The following CCT4 variants were observed in gnomAD, a reference collection of about 807,000 sequenced individuals.
The protein encoded by CCT4 is T-complex protein 1 subunit delta.
A neutral mutation model predicts 62.5 loss-of-function variants in CCT4; 17 were observed. The ratio of observed to expected loss-of-function variants is 0.27; its 90% CI spans 0.19 to 0.41. The LOEUF is 0.41. CCT4 is among the 10% of genes least tolerant of loss of function. The pLI is 1.00. For missense variants in CCT4, 592 were observed against 659.2 expected (o/e 0.90, Z 1.12); for synonymous variants, 250 against 229.9 (o/e 1.09, Z -0.79).
chr2:61,886,805 G>A (rs1179064827), intron 1 of CCT4, among the ~76,000 whole-genome samples: 1 of 151,794 alleles, frequency 6.6e-6, no homozygotes, highest in East Asian at 1.9e-4. Context: ...CGTCACCCTG[G>A]CTGGAGTGCA....
chr2:61,887,163 T>C (rs1207219269), intron 1 of CCT4, among the ~76,000 whole-genome samples: 2 of 152,192 alleles, frequency 1.3e-5, no homozygotes, highest in Admixed American at 6.6e-5. Context: ...GTGTATTATC[T>C]CCTAAACTTA....
rs1669214365 is a variant in CCT4, at chr2:61,884,911, C to G, written c.180+109G>C. The G allele has an allele frequency of 2.2e-5, 20 of 918,628 alleles. No individual in the cohort carries two copies. The South Asian group carries it at 3.1e-4, about 14-fold the overall frequency. The allele number at this position is 918,628 out of a possible 1,614,324, so 56.9% of individuals were successfully genotyped here. ...AAAGTGCTGGGATTATAGGTGTGAG[C>G]CACCACGCCCAGCCCCACTTTTTAA... On this transcript the variant is annotated intron_variant, in intron 2 of 13. Coordinates refer to ENST00000394440, the MANE Select transcript of CCT4 (RefSeq NM_006430.4).
In CCT4 at chr2:61,885,086, G is replaced by A. The variant is rs778166416; in HGVS notation, c.128-14C>T. On this transcript the variant is annotated splice_polypyrimidine_tract_variant and intron_variant, in intron 1 of 13. Coordinates refer to ENST00000394440, the MANE Select transcript of CCT4 (RefSeq NM_006430.4). ...CATCAGCAACCGCTGCAGATGGGGG[G>A]GAAAAAAAAGAAAACAAATTAGAAC... 5.4e-5 allele frequency: 78 copies of A among 1,452,034 alleles called. No homozygotes were observed. Among genetic ancestry groups the A allele is most frequent in the Admixed American group, 1.0e-4 (4 of 39,712 alleles). The allele number at this position is 1,452,034 out of a possible 1,614,324, so 89.9% of individuals were successfully genotyped here.
intron 1 of CCT4, among the ~76,000 whole-genome samples, chr2:61,886,667 T>C (rs1051007143): frequency 1.3e-5 from 2 of 152,166 alleles, no homozygotes; most frequent in Non-Finnish European, 2.9e-5. Context: ...TTGTTTCAGT[T>C]CTTTGTCTGC....
chr2:61,870,407 C>A (rs980029041), intron 12 of CCT4, among the ~76,000 whole-genome samples: 1 of 152,228 alleles, frequency 6.6e-6, no homozygotes, highest in Non-Finnish European at 1.5e-5. Context: ...ATTGCACCAT[C>A]CTACTTCCCT....
chr2:61,872,835 G>A (rs966350921), intron 10 of CCT4, among the ~76,000 whole-genome samples, 167 bp downstream of exon 10: 2 of 152,146 alleles, frequency 1.3e-5, no homozygotes, highest in Admixed American at 6.5e-5. Context: ...GCTGAGGCAG[G>A]AGAATGGCAT....
At position 61,870,832 on chromosome 2, in the gene CCT4, T is replaced by C. The variant is rs538487438; in HGVS notation, c.1491+1250A>G. On this transcript the variant is annotated intron_variant, in intron 12 of 13. Coordinates refer to ENST00000394440, the MANE Select transcript of CCT4 (RefSeq NM_006430.4). ...AGCTACTCAGGAGGCTGAGGCAGAA[T>C]TGCTTGAACTTGGGAGGAGGAGGTT... 1.1e-4 allele frequency among the ~76,000 whole-genome samples: 17 copies of C among 152,084 alleles called. No homozygotes were observed. In the South Asian group the frequency reaches 1.5e-3, roughly 13 times the overall value.
chr2:61,876,334 A>C (rs1669000700), intron 7 of CCT4, 100 bp from the exon 8 acceptor site: 1 of 795,010 alleles, frequency 1.3e-6, no homozygotes, highest in South Asian at 2.3e-5. Flanking sequence ...AATTCAACCA[A>C]AACTATATCA....
At chr2:61,888,331 G>C in intron 1 of CCT4, 50 bp downstream of exon 1, 1 of 1,583,588 alleles carries the variant, frequency 6.3e-7, no homozygotes, top group Non-Finnish European at 8.6e-7. Context: ...CACGATGAGA[G>C]CGCAGAGCAC....
intron 2 of CCT4, among the ~76,000 whole-genome samples, chr2:61,883,789 C>T (rs911684991): frequency 2.1e-5 from 3 of 144,306 alleles, no homozygotes. Flanking sequence ...CACACACACA[C>T]ACACACACAC....
chr2:61,869,586 T>G, intron 12 of CCT4, 33 bp from the exon 13 acceptor site: 1 of 1,240,392 alleles, frequency 8.1e-7, no homozygotes, highest in Non-Finnish European at 1.2e-6. Context: ...TTGCTTTTAG[T>G]GTCTGTGATA....
intron 1 of CCT4, chr2:61,885,997 G>A (rs891907870): frequency 3.2e-4 from 48 of 152,300 alleles, no homozygotes; most frequent in African/African-American, 1.1e-3. Flanking sequence ...TGTCTAGTAT[G>A]TAATCTCTGA....
rs567647891 is a variant in CCT4, at chr2:61,877,617, T to C, written c.523-103A>G. The stretch of plus-strand genomic sequence containing the variant: ...AGAAAGACTCTTATAATTTTTGCAG[T>C]GGGGTGTGGGTATGAAGAGGGAAAC... On this transcript the variant is annotated intron_variant, in intron 5 of 13. Coordinates refer to ENST00000394440, the MANE Select transcript of CCT4 (RefSeq NM_006430.4). The C allele has an allele frequency of 9.1e-5, 78 of 852,904 alleles. No homozygotes were observed. In the South Asian group the frequency reaches 1.5e-3, roughly 17 times the overall value. The allele number at this position is 852,904 out of a possible 1,614,324, so 52.8% of individuals were successfully genotyped here. A position where few individuals can be genotyped will look rare whatever the true frequency, so the allele number is the denominator to read the frequency against.
At position 61,887,322 on chromosome 2, in the gene CCT4, T is replaced by C. The variant is rs550201474; in HGVS notation, c.127+1059A>G. On this transcript the variant is annotated intron_variant, in intron 1 of 13. Transcript: ENST00000394440. The stretch of plus-strand genomic sequence containing the variant: ...CTGATGACTGCAAACACATGTAAGG[T>C]GTACTTTATATACGTGGGTCTTTAT... Among the ~76,000 whole-genome samples, 86 of 152,296 alleles carry C rather than the reference T, an allele frequency of 5.6e-4. No homozygotes were observed. In the South Asian group the frequency reaches 0.016, roughly 29 times the overall value.
At chr2:61,874,351 G>A (rs1297026500) in intron 8 of CCT4, among the ~76,000 whole-genome samples, 2 of 152,128 alleles carry the variant, frequency 1.3e-5, no homozygotes, top group Non-Finnish European at 2.9e-5. Context: ...CAGGCACGGT[G>A]GCTCACATCT....
chr2:61,884,296 A>G (rs1669195618), intron 2 of CCT4, among the ~76,000 whole-genome samples: 1 of 152,078 alleles, frequency 6.6e-6, no homozygotes, highest in Admixed American at 6.6e-5. Flanking sequence ...CCAGGTACCC[A>G]ACACTTTTTA....
intron 12 of CCT4, among the ~76,000 whole-genome samples, chr2:61,871,152 C>T (rs868835156): frequency 6.6e-6 from 1 of 151,854 alleles, no homozygotes; most frequent in Admixed American, 6.6e-5. Context: ...CTCCCTCAGC[C>T]TCCCGTGTAG....
At chr2:61,876,303 G>C in intron 7 of CCT4, 69 bp from the exon 8 acceptor site, 1 of 1,187,398 alleles carries the variant, frequency 8.4e-7, no homozygotes, top group Admixed American at 2.2e-5. Flanking sequence ...AATTTTAAGC[G>C]AAAATACTAT....
intron 12 of CCT4, 32 bp from the exon 13 acceptor site, chr2:61,869,585 G>T: frequency 3.2e-6 from 4 of 1,254,320 alleles, no homozygotes; most frequent in South Asian, 1.2e-5. Flanking sequence ...GTTGCTTTTA[G>T]TGTCTGTGAT....
Sources: gnomAD v4.1 joint callset for allele counts (sites outside exome capture counted in the v4.1 genomes callset) on GRCh38, gnomAD v4.1.1 for gene constraint, MANE v1.5 for transcripts, NCBI Gene and HGNC (gene_info 2026-07-23, HGNC 2026-07-21) for gene names.